Variants in GLB1 observed in about 807,000 individuals in gnomAD.
The protein encoded by GLB1 is beta-galactosidase.
Under a neutral mutation model 74.0 loss-of-function variants are expected in GLB1, and 56 were observed. That is an observed-to-expected ratio of 0.76 (90% CI 0.61 to 0.94). The LOEUF is 0.94. Ranked by LOEUF, GLB1 falls within the 40% of genes least tolerant of loss-of-function variation. The probability of loss-of-function intolerance (pLI) is 0.00; values close to 1 mark genes in which losing one functional copy is unlikely to be tolerated. For missense variants in GLB1, 787 were observed against 845.5 expected, an observed-to-expected ratio of 0.93 and a Z score of 0.86; for synonymous variants, 323 against 323.6, an observed-to-expected ratio of 1.00 and a Z score of 0.02.
At chr3:33,075,507 C>T (rs925282089) in intron 1 of GLB1, among the ~76,000 whole-genome samples, 2 of 152,314 alleles carry the variant, frequency 1.3e-5, no homozygotes, top group East Asian at 1.9e-4. Flanking sequence ...GCACCTCTTA[C>T]GTGCTGAGTA....
At position 32,997,310 on chromosome 3, in the gene GLB1, C is replaced by T. The variant is rs398123351; in HGVS notation, c.1769G>A (p.Arg590His). 2.7e-5 allele frequency: 43 copies of T among 1,613,732 alleles called. No individual in the cohort carries two copies. The highest frequency in any genetic ancestry group is 4.4e-5 in the South Asian group (4 of 91,068). The change falls in exon 16 of 16, where the codon CGC becomes CAC. Residue 590 changes from arginine to histidine, a missense_variant. By Grantham distance (29) the Arg-to-His change is conservative. Coordinates refer to ENST00000307363, the MANE Select transcript of GLB1 (RefSeq NM_000404.4). The stretch of plus-strand genomic sequence containing the variant: ...CTGAGGGCCCCGGGCTGGCCAATAG[C>T]GGCCAAGGTTAAAGCCATTAATCCA... ...QVWINGFNLGRYWPARGPQLT... is the reference protein window; with the variant it reads ...QVWINGFNLGHYWPARGPQLT...
At position 33,051,759 on chromosome 3, in the gene GLB1, A is replaced by G. The variant is rs1393027338; in HGVS notation, c.954T>C (p.Asn318=). ...CTACAGATATTAAAGTGCTCTTACC[A>G]TTCCAATAGGCAAAATTGGTCCCAC... ...FIGGTNFAYW[N]GANSPYAAQP... Residue 318 remains asparagine, a splice_region_variant and synonymous_variant, in exon 9 of 16, where the codon AAT becomes AAC. Transcript: ENST00000307363. 6.2e-7 allele frequency: 1 copy of G among 1,614,236 alleles called. No homozygotes were observed. Among genetic ancestry groups the G allele is most frequent in the Non-Finnish European group, 8.5e-7 (1 of 1,180,046 alleles).
downstream of GLB1, among the ~76,000 whole-genome samples, chr3:32,995,893 TAC>T (rs1330929141): frequency 6.8e-6 from 1 of 147,278 alleles, no homozygotes; most frequent in African/African-American, 2.5e-5. Flanking sequence ...TAATTAAAAA[TAC>T]AGATAAGAAA....
At chr3:33,018,689 C>G (rs1413428397) in intron 12 of GLB1, 128 bp from the exon 13 acceptor site, 3 of 987,842 alleles carry the variant, frequency 3.0e-6, no homozygotes, top group Non-Finnish European at 4.5e-6. Flanking sequence ...CTCCACCTCC[C>G]GAAAAAATTA....
At chr3:33,056,363 G>A (rs1432853929) in intron 6 of GLB1, among the ~76,000 whole-genome samples, 2 of 151,370 alleles carry the variant, frequency 1.3e-5, no homozygotes, top group Non-Finnish European at 2.9e-5. Context: ...TCAGAGGGGA[G>A]AACATCAGGG....
chr3:33,089,501 A>G (rs1034740912), intron 1 of GLB1, among the ~76,000 whole-genome samples: 8 of 152,260 alleles, frequency 5.3e-5, no homozygotes, highest in African/African-American at 1.7e-4. Flanking sequence ...ACAGGTGGCC[A>G]ACAAGCCCAT....
Position 33,089,625 on chromosome 3 carries a change from T to C in GLB1, c.75+7386A>G, listed in dbSNP as rs138260473. ...GTCACGTGCCACAACCTTAAGGTCA[T>C]TATACTAACTGAAATAAGCCCGCCA... is the stretch of plus-strand genomic sequence containing the variant. On this transcript the variant is annotated intron_variant, in intron 1 of 15. Transcript: ENST00000307363. Among the ~76,000 whole-genome samples the C allele has an allele frequency of 2.0e-5, 3 of 152,268 alleles. No homozygotes were observed. The East Asian group carries it at 5.8e-4, about 29-fold the overall frequency.
chr3:33,014,903 G>A (rs1697179051), intron 14 of GLB1, among the ~76,000 whole-genome samples: 1 of 152,182 alleles, frequency 6.6e-6, no homozygotes, highest in Non-Finnish European at 1.5e-5. Context: ...ACAGGTGGAG[G>A]TTGCAGTGAG....
chr3:33,046,630 T>A (rs543654465), intron 9 of GLB1, among the ~76,000 whole-genome samples: 1 of 152,260 alleles, frequency 6.6e-6, no homozygotes, highest in South Asian at 2.1e-4. Context: ...AACTCTGAAC[T>A]TTTTCACGTC....
chr3:33,021,500 A>C, intron 12 of GLB1, 66 bp downstream of exon 12: 1 of 1,537,488 alleles, frequency 6.5e-7, no homozygotes, highest in Non-Finnish European at 8.9e-7. Flanking sequence ...TGGGCACTGC[A>C]AGGCAGTGCA....
the GLB1 span, among the ~76,000 whole-genome samples, chr3:32,984,166 C>A: frequency 6.6e-6 from 1 of 151,964 alleles, no homozygotes; most frequent in Admixed American, 6.6e-5. Context: ...AACATAAATC[C>A]ACACTAGGGC....
At chr3:32,964,055 A>T in the GLB1 span, among the ~76,000 whole-genome samples, 1 of 152,220 alleles carries the variant, frequency 6.6e-6, no homozygotes, top group Non-Finnish European at 1.5e-5. Flanking sequence ...AGGATGAATA[A>T]CTGAGTTTAT....
At chr3:32,996,450 A>G (rs1005868440), downstream of GLB1, among the ~76,000 whole-genome samples, 5 of 152,228 alleles carry the variant, frequency 3.3e-5, no homozygotes, top group African/African-American at 4.8e-5. Context: ...CTAAAATACT[A>G]TGCTTCTATA....
At chr3:33,048,556 G>A (rs1245511871) in intron 9 of GLB1, among the ~76,000 whole-genome samples, 1 of 152,180 alleles carries the variant, frequency 6.6e-6, no homozygotes, top group Non-Finnish European at 1.5e-5. Flanking sequence ...TCCTGTGGGT[G>A]GGATGGGCAG....
In GLB1 at chr3:33,096,921, C is replaced by A. The variant is rs149553048; in HGVS notation, c.75+90G>T. Reference sequence around the variant, plus strand: ...TTCGGGGCTCAGGCTCCCCGCCCTGCGGGACCGCGGGTGGCTGCGACCCCA... The same window carrying A: ...TTCGGGGCTCAGGCTCCCCGCCCTGAGGGACCGCGGGTGGCTGCGACCCCA... On this transcript the variant is annotated intron_variant, in intron 1 of 15. Coordinates refer to ENST00000307363, the MANE Select transcript of GLB1 (RefSeq NM_000404.4). 3,530 of 1,539,052 alleles carry A rather than the reference C, an allele frequency of 2.3e-3. 42 individuals are homozygous for A. The African/African-American group carries it at 0.03, about 13-fold the overall frequency.
chr3:33,093,323 A>C lies in GLB1; in HGVS notation c.75+3688T>G, dbSNP rs1700852784. On this transcript the variant is annotated intron_variant, in intron 1 of 15. Coordinates refer to ENST00000307363, the MANE Select transcript of GLB1 (RefSeq NM_000404.4). The surrounding 1 kb of genome is among the most constrained non-coding windows in gnomAD (Gnocchi z 6.0). ...GAGGCTGGACATGCAGGGATTCCAGAAGTGCAAACCAGTTGCTGACATCTG... is the reference window on the plus strand; with the variant it reads ...GAGGCTGGACATGCAGGGATTCCAGCAGTGCAAACCAGTTGCTGACATCTG... 1.2e-6 allele frequency: 2 copies of C among 1,614,024 alleles called. No individual in the cohort carries two copies. The highest frequency in any genetic ancestry group is 1.7e-5 in the Admixed American group (1 of 60,002).
chr3:32,983,854 A>T, the GLB1 span, among the ~76,000 whole-genome samples: 4 of 147,396 alleles, frequency 2.7e-5, no homozygotes, highest in South Asian at 2.2e-4. Flanking sequence ...TAATTTTTAA[A>T]TTTTTTTTTT....
chr3:32,969,711 G>GA, the GLB1 span, among the ~76,000 whole-genome samples: 1 of 152,210 alleles, frequency 6.6e-6, no homozygotes, highest in East Asian at 1.9e-4. Flanking sequence ...AGCCATACCT[G>GA]AAATGGTGGC....
In GLB1 at chr3:32,997,330, A is replaced by G. The variant is rs1035210257; in HGVS notation, c.1749T>C (p.Ile583=). The change falls in exon 16 of 16, where the codon ATT becomes ATC. Residue 583 remains isoleucine, a synonymous_variant. Coordinates refer to ENST00000307363, the MANE Select transcript of GLB1 (RefSeq NM_000404.4). Reference sequence around the variant, plus strand: ...AATAGCGGCCAAGGTTAAAGCCATTAATCCAGACCTGGCCCTGGAGAGAGA... The same window carrying G: ...AATAGCGGCCAAGGTTAAAGCCATTGATCCAGACCTGGCCCTGGAGAGAGA... ...FPGWTKGQVW[I]NGFNLGRYWP... 1 of 1,613,264 alleles carries G rather than the reference A, an allele frequency of 6.2e-7. No homozygotes were observed. Among genetic ancestry groups the G allele is most frequent in the African/African-American group, 1.3e-5 (1 of 75,014 alleles).
Sources: allele counts gnomAD v4.1 joint callset (sites outside exome capture counted in the v4.1 genomes callset), GRCh38; gene constraint gnomAD v4.1.1; non-coding constraint Gnocchi (gnomAD v3.1); transcripts MANE v1.5; gene names NCBI Gene and HGNC (gene_info 2026-07-23, HGNC 2026-07-21).